GRID1: variants seen among roughly 807,000 people sequenced by gnomAD.
GRID1 encodes the protein glutamate receptor ionotropic, delta-1.
GRID1 carries 28 observed loss-of-function variants against 98.0 expected under a neutral mutation model. The ratio of observed to expected loss-of-function variants is 0.29; its 90% CI spans 0.21 to 0.39. GRID1 has a LOEUF of 0.39. Ranked by LOEUF, GRID1 falls within the 10% of genes least tolerant of loss-of-function variation. GRID1 has a pLI of 1.00. For synonymous variants in GRID1, 553 were observed against 538.5 expected, an observed-to-expected ratio of 1.03 and a Z score of -0.37; for missense variants, 1,111 against 1,340.5, an observed-to-expected ratio of 0.83 and a Z score of 2.67.
intron 4 of GRID1, among the ~76,000 whole-genome samples, chr10:86,110,632 T>C (rs1214396303): frequency 6.6e-6 from 1 of 152,090 alleles, no homozygotes; most frequent in Non-Finnish European, 1.5e-5. Flanking sequence ...GCATTCCATG[T>C]CTGCTCTCAG....
chr10:86,214,870 A>G (rs1373344619), intron 2 of GRID1, among the ~76,000 whole-genome samples: 2 of 152,230 alleles, frequency 1.3e-5, no homozygotes, highest in East Asian at 3.8e-4. Flanking sequence ...CTCCGTATCA[A>G]AAAAAGAAAA....
chr10:85,604,636 T>C (rs1488075632), intron 15 of GRID1, among the ~76,000 whole-genome samples: 3 of 152,252 alleles, frequency 2.0e-5, no homozygotes, highest in Non-Finnish European at 4.4e-5. Context: ...GAAATGTTTA[T>C]GCTGACTCCT....
At chr10:86,246,065 GA>G (rs1468645618) in intron 2 of GRID1, among the ~76,000 whole-genome samples, 1 of 152,254 alleles carries the variant, frequency 6.6e-6, no homozygotes, top group African/African-American at 2.4e-5. Flanking sequence ...CAGGGTCAGG[GA>G]AAAACACAAG....
rs185881925 is a variant in GRID1, at chr10:86,365,504, C to G, written c.79+810G>C. 7.2e-4 allele frequency among the ~76,000 whole-genome samples: 110 copies of G among 151,754 alleles called. 1 individual carries two copies. The highest frequency in any genetic ancestry group is 2.6e-3 in the African/African-American group (109 of 41,352). On this transcript the variant is annotated intron_variant, in intron 1 of 15. Transcript: ENST00000327946. This position sits in a 1 kb window ranked among gnomAD's most constrained non-coding sequence, Gnocchi z 4.8. ...TCCTCTGCGCTTTCATCTTCTCTCC[C>G]GGTTCTCTCTCTCTATCCATCTCTT...
chr10:85,927,510 T>TAAA (rs60653864), intron 4 of GRID1, among the ~76,000 whole-genome samples: 46,652 of 146,066 alleles, frequency 0.32, 7,371 homozygotes, highest in East Asian at 0.48. Context: ...AAGTTTCTTG[T>TAAA]AAAAAAAAAA....
At chr10:86,305,603 G>A (rs1368019225) in intron 2 of GRID1, among the ~76,000 whole-genome samples, 1 of 152,152 alleles carries the variant, frequency 6.6e-6, no homozygotes, top group African/African-American at 2.4e-5. Flanking sequence ...GAGGGCCTCT[G>A]CATGCAGACA....
chr10:85,878,312 T>C (rs1344524117), intron 5 of GRID1, among the ~76,000 whole-genome samples: 1 of 151,794 alleles, frequency 6.6e-6, no homozygotes, highest in Non-Finnish European at 1.5e-5. Context: ...CCAAGACACA[T>C]AATTGTCAGA....
At chr10:86,114,003 C>A (rs1420078079) in intron 4 of GRID1, among the ~76,000 whole-genome samples, 1 of 151,958 alleles carries the variant, frequency 6.6e-6, no homozygotes, top group Non-Finnish European at 1.5e-5. Context: ...ACTGCTGGAG[C>A]CTGTGTAGTG....
intron 12 of GRID1, among the ~76,000 whole-genome samples, chr10:85,664,104 A>G (rs1259138109): frequency 6.6e-6 from 1 of 152,192 alleles, no homozygotes; most frequent in African/African-American, 2.4e-5. Context: ...GCATGACATG[A>G]AGGCACTGAG....
intron 8 of GRID1, among the ~76,000 whole-genome samples, chr10:85,762,202 C>G (rs1158608588): frequency 6.6e-6 from 1 of 152,132 alleles, no homozygotes; most frequent in Non-Finnish European, 1.5e-5. Context: ...TGGGTGTGCA[C>G]AGTGATGTCG....
Position 86,201,878 on chromosome 10 carries a change from G to A in GRID1, c.520+4486C>T, listed in dbSNP as rs371659340. Among the ~76,000 whole-genome samples, 420 of 152,208 alleles carry A rather than the reference G, an allele frequency of 2.8e-3. 2 individuals carry two copies. The highest frequency in any genetic ancestry group is 9.7e-3 in the African/African-American group (401 of 41,532). ...GCGAGGGTCTTGTTAGCACACAATC[G>A]GGAGAGTGTTTAAGTCCCTCTGTAG... On this transcript the variant is annotated intron_variant, in intron 3 of 15. Transcript: ENST00000327946.
At chr10:86,307,415 T>C (rs1847773540) in intron 2 of GRID1, among the ~76,000 whole-genome samples, 1 of 152,224 alleles carries the variant, frequency 6.6e-6, no homozygotes, top group South Asian at 2.1e-4. Context: ...TAGAGAACGT[T>C]ATGCTTTGTT....
intron 8 of GRID1, among the ~76,000 whole-genome samples, chr10:85,762,778 G>C (rs1030247457): frequency 4.6e-5 from 7 of 152,200 alleles, no homozygotes; most frequent in African/African-American, 1.7e-4. Context: ...GATCAACTCA[G>C]TTTGGAGCGT....
At chr10:85,966,692 T>G (rs1420975260) in intron 4 of GRID1, among the ~76,000 whole-genome samples, 1 of 151,844 alleles carries the variant, frequency 6.6e-6, no homozygotes, top group Non-Finnish European at 1.5e-5. Flanking sequence ...TGTGTACCTG[T>G]AATCCCAGCT....
At chr10:85,824,778 A>G (rs1387591257) in intron 8 of GRID1, among the ~76,000 whole-genome samples, 1 of 152,024 alleles carries the variant, frequency 6.6e-6, no homozygotes. Flanking sequence ...TTTAGCTCCC[A>G]CTTATAATTG....
At chr10:85,885,601 A>T in intron 5 of GRID1, among the ~76,000 whole-genome samples, 1 of 152,228 alleles carries the variant, frequency 6.6e-6, no homozygotes. Context: ...GAGTTTCACT[A>T]ACTGTCAGAT....
chr10:85,733,876 T>C (rs1355759247), intron 8 of GRID1, among the ~76,000 whole-genome samples: 1 of 152,218 alleles, frequency 6.6e-6, no homozygotes, highest in Non-Finnish European at 1.5e-5. Flanking sequence ...GTGTTACATA[T>C]AGGTGATGGA....
intron 2 of GRID1, among the ~76,000 whole-genome samples, chr10:86,265,202 A>G (rs1847085934): frequency 1.3e-5 from 2 of 151,452 alleles, no homozygotes; most frequent in African/African-American, 4.9e-5. Context: ...TGGTTCCATT[A>G]TAACAAATTA....
rs760141929 is a variant in GRID1, at chr10:85,727,918, G to T, written c.1470C>A (p.Gly490=). The T allele has an allele frequency of 1.2e-6, 2 of 1,613,932 alleles. No individual in the cohort carries two copies. Among genetic ancestry groups the T allele is most frequent in the South Asian group, 1.1e-5 (1 of 91,068 alleles). The stretch of plus-strand genomic sequence containing the variant: ...TGTTATGGAGCTGGTGACCGTACCT[G>T]CCATCAGGGGCTTGGTAAATCTCAT... The part of the protein sequence containing the change: ...FKYEIYQAPD[G]RYGHQLHNTS... Residue 490 remains glycine, a synonymous_variant, in exon 10 of 16, where the codon GGC becomes GGA. Coordinates refer to ENST00000327946, the MANE Select transcript of GRID1 (RefSeq NM_017551.3).
Sources: gnomAD v4.1 joint callset for allele counts (sites outside exome capture counted in the v4.1 genomes callset) on GRCh38, gnomAD v4.1.1 for gene constraint, Gnocchi (gnomAD v3.1) non-coding constraint, MANE v1.5 for transcripts, NCBI Gene and HGNC (gene_info 2026-07-23, HGNC 2026-07-21) for gene names.